Variants in SLC16A1 observed in about 807,000 individuals in gnomAD.
The protein encoded by SLC16A1 is solute carrier family 16 member 1.
In SLC16A1, 11 loss-of-function variants were observed where a neutral mutation model predicts 32.2. The observed-to-expected ratio is 0.34, with a 90% CI of 0.21 to 0.56. The LOEUF (loss-of-function observed/expected upper bound fraction) is 0.56, where lower values mean the gene tolerates loss of function less well. Ranked by LOEUF, SLC16A1 falls within the 20% of genes least tolerant of loss-of-function variation. The probability of loss-of-function intolerance (pLI) is 0.87; values close to 1 mark genes in which losing one functional copy is unlikely to be tolerated. For missense variants in SLC16A1, 435 were observed against 615.0 expected (o/e 0.71, Z 3.10); for synonymous variants, 231 against 226.8 (o/e 1.02, Z -0.17).
chr1:112,923,504 C>A, intron 2 of SLC16A1: 1 of 963,804 alleles, frequency 1.0e-6, no homozygotes, highest in East Asian at 2.4e-5. Context: ...ACGGCCACAC[C>A]AAGATAGACA....
chr1:112,942,683 C>T lies in SLC16A1; in HGVS notation c.-44-13331G>A, dbSNP rs548959443. On this transcript the variant is annotated intron_variant, in intron 1 of 4. Transcript: ENST00000369626. ...ACTTCAACTAAATTTCATTAAGATACAATATGCCTGAGTAAGAATCAATCT... is the reference window on the plus strand; with the variant it reads ...ACTTCAACTAAATTTCATTAAGATATAATATGCCTGAGTAAGAATCAATCT... Among the ~76,000 whole-genome samples, 4 of 152,314 alleles carry T rather than the reference C, an allele frequency of 2.6e-5. No individual in the cohort carries two copies. The South Asian group carries it at 8.3e-4, about 32-fold the overall frequency.
rs773868602 is a variant in SLC16A1, at chr1:112,917,249, C to T, written c.1157G>A (p.Arg386Lys). The T allele has an allele frequency of 6.2e-7, 1 of 1,614,176 alleles. No individual in the cohort carries two copies. ...CACCAATCCCACAGCGCTGGAGAAC[C>T]TCTGGGGTCCAACAAGGTCCATCAA... ...ETLMDLVGPQ[R>K]FSSAVGLVTI... Residue 386 changes from arginine to lysine, a missense_variant, in exon 4 of 5, where the codon AGG (arginine) becomes AAG (lysine). By Grantham distance (26) the Arg-to-Lys change is conservative. Coordinates refer to ENST00000369626, the MANE Select transcript of SLC16A1 (RefSeq NM_003051.4). The surrounding 1 kb of genome is among the most constrained non-coding windows in gnomAD (Gnocchi z 4.1).
intron 1 of SLC16A1, among the ~76,000 whole-genome samples, chr1:112,947,364 G>A (rs993108428): frequency 1.9e-4 from 29 of 152,110 alleles, no homozygotes; most frequent in African/African-American, 5.8e-4. Context: ...ATGAGTATTC[G>A]AATATATTAA....
chr1:112,948,452 T>C (rs905905250), intron 1 of SLC16A1, among the ~76,000 whole-genome samples: 15 of 152,210 alleles, frequency 9.9e-5, no homozygotes, highest in African/African-American at 3.6e-4. Flanking sequence ...TTGTCAGTTA[T>C]TTTATTAGAA....
intron 4 of SLC16A1, among the ~76,000 whole-genome samples, chr1:112,915,058 T>G (rs566600121): frequency 1.3e-5 from 2 of 152,226 alleles, no homozygotes; most frequent in Non-Finnish European, 2.9e-5. Context: ...TGATTCCATA[T>G]GGCTTTCTAA....
Position 112,923,977 on chromosome 1 carries a change from A to T in SLC16A1, c.218-1844T>A, listed in dbSNP as rs188974586. On this transcript the variant is annotated intron_variant, in intron 2 of 4. Transcript: ENST00000369626. ...GGGGACCTGCTGACTGGCAAGTACAAGTATAAGGACAAGGACAGGAAACAG... is the reference window on the plus strand; with the variant it reads ...GGGGACCTGCTGACTGGCAAGTACATGTATAAGGACAAGGACAGGAAACAG... 3.4e-6 allele frequency: 5 copies of T among 1,467,408 alleles called. No homozygotes were observed. The East Asian group carries it at 1.1e-4, about 33-fold the overall frequency. The allele number at this position is 1,467,408 out of a possible 1,614,324, so 90.9% of individuals were successfully genotyped here.
At chr1:112,919,011 T>TTTTTTTTA (rs1553208041) in intron 3 of SLC16A1, among the ~76,000 whole-genome samples, 3 of 144,290 alleles carry the variant, frequency 2.1e-5, no homozygotes, top group South Asian at 4.4e-4. Flanking sequence ...TACTAATTTA[T>TTTTTTTTA]TTTATTTATT....
rs1296736905 is a variant in SLC16A1 at position 112,917,690 on chromosome 1, T to C, written c.716A>G (p.Lys239Arg). 6.2e-7 allele frequency: 1 copy of C among 1,614,224 alleles called. No homozygotes were observed. The highest frequency in any genetic ancestry group is 8.5e-7 in the Non-Finnish European group (1 of 1,180,036). The change falls in exon 4 of 5, where the codon AAA becomes AGA. Residue 239 changes from lysine (K) to arginine (R), a missense_variant. By Grantham distance (26) the Lys-to-Arg change is conservative (BLOSUM62 2). Coordinates refer to ENST00000369626, the MANE Select transcript of SLC16A1 (RefSeq NM_003051.4). The surrounding 1 kb of genome is among the most constrained non-coding windows in gnomAD (Gnocchi z 4.1). ...ANTDLIGRHP[K>R]QEKRSVFQTI... Reference sequence around the variant, plus strand: ...TTGGAAGACTGATCGTTTCTCTTGTTTAGGGTGTCTTCCAATAAGATCTGT... The same window carrying C: ...TTGGAAGACTGATCGTTTCTCTTGTCTAGGGTGTCTTCCAATAAGATCTGT...
chr1:112,947,678 CTTCTAATAACT>C (rs1004369949), intron 1 of SLC16A1, among the ~76,000 whole-genome samples: 2 of 152,104 alleles, frequency 1.3e-5, no homozygotes, highest in Non-Finnish European at 2.9e-5. Context: ...TCTCTAATCT[CTTCTAATAACT>C]TTCTAATAAC....
chr1:112,927,711 CTAAT>C (rs1427221544), intron 2 of SLC16A1, among the ~76,000 whole-genome samples: 1 of 152,174 alleles, frequency 6.6e-6, no homozygotes, highest in Non-Finnish European at 1.5e-5. Flanking sequence ...AGTTATCTCA[CTAAT>C]TGAGTAAGGA....
At chr1:112,933,192 G>A (rs575649853) in intron 1 of SLC16A1, among the ~76,000 whole-genome samples, 12 of 152,112 alleles carry the variant, frequency 7.9e-5, no homozygotes, top group East Asian at 5.8e-4. Flanking sequence ...AAAGTTGGCC[G>A]GGCGCAGTGG....
intron 1 of SLC16A1, among the ~76,000 whole-genome samples, chr1:112,930,443 C>T (rs1051014813): frequency 6.6e-6 from 1 of 151,806 alleles, no homozygotes; most frequent in Admixed American, 6.6e-5. Context: ...ACCTAGCTCT[C>T]GAGTAAATGA....
rs1489439384 is a variant in SLC16A1, at chr1:112,913,263, T to C, written c.*628A>G. On this transcript the variant is annotated 3_prime_UTR_variant, in exon 5 of 5. Coordinates refer to ENST00000369626, the MANE Select transcript of SLC16A1 (RefSeq NM_003051.4). ...CTGAGAGGGGTTGACAAGTACACTG[T>C]GTCTAGAACAGCCAAGATGTTGCCA... The C allele has an allele frequency of 1.3e-5, 2 of 153,968 alleles. No individual in the cohort carries two copies. Among genetic ancestry groups the C allele is most frequent in the Non-Finnish European group, 2.9e-5 (2 of 69,258 alleles). The allele number at this position is 153,968 out of a possible 1,614,324, so 9.5% of individuals were successfully genotyped here. A position where few individuals can be genotyped will look rare whatever the true frequency, so the allele number is the denominator to read the frequency against.
chr1:112,918,089 TA>T (rs752144977), intron 3 of SLC16A1, 45 bp from the exon 4 acceptor site: 1 of 1,089,058 alleles, frequency 9.2e-7, no homozygotes, highest in Non-Finnish European at 1.2e-6. Flanking sequence ...AATAAATAAA[TA>T]AATAAATAAA....
In SLC16A1 at chr1:112,913,909, C is replaced by A; in HGVS notation, c.1485G>T (p.Glu495Asp). The A allele has an allele frequency of 6.2e-7, 1 of 1,614,164 alleles. No homozygotes were observed. The highest frequency in any genetic ancestry group is 1.1e-5 in the South Asian group (1 of 91,080). Reference sequence around the variant, plus strand: ...CATGGATTCAGACTGGACTTTCCTCCTCCTTGGGCCCTCCATCTGTGTCTT... The same window carrying A: ...CATGGATTCAGACTGGACTTTCCTCATCCTTGGGCCCTCCATCTGTGTCTT... ...DQKDTDGGPK[E>D]EESPV The change falls in exon 5 of 5, where the codon GAG becomes GAT. Residue 495 changes from glutamate (E) to aspartate (D), a missense_variant. Glu to Asp is a conservative substitution (Grantham distance 45, BLOSUM62 2). Coordinates refer to ENST00000369626, the MANE Select transcript of SLC16A1 (RefSeq NM_003051.4).
intron 2 of SLC16A1, among the ~76,000 whole-genome samples, chr1:112,923,084 G>A (rs1228522879): frequency 6.6e-6 from 1 of 151,602 alleles, no homozygotes; most frequent in Non-Finnish European, 1.5e-5. Context: ...CCAGCACTTT[G>A]GGAGGTGGAT....
intron 2 of SLC16A1, among the ~76,000 whole-genome samples, chr1:112,927,048 C>G (rs1310369815): frequency 6.6e-6 from 1 of 150,378 alleles, no homozygotes; most frequent in Non-Finnish European, 1.5e-5. Context: ...ATGGTTTGAG[C>G]CTCGGTGGCT....
At chr1:112,951,180 A>G (rs879326069) in intron 1 of SLC16A1, among the ~76,000 whole-genome samples, 1 of 151,872 alleles carries the variant, frequency 6.6e-6, no homozygotes, top group Non-Finnish European at 1.5e-5. Flanking sequence ...CTCCTATAAC[A>G]CTCCCTTCCT....
intron 1 of SLC16A1, among the ~76,000 whole-genome samples, chr1:112,943,707 G>T (rs986660738): frequency 6.8e-6 from 1 of 147,278 alleles, no homozygotes; most frequent in Admixed American, 7.0e-5. Flanking sequence ...AGAATCACTT[G>T]AACTCAGGAG....
Sources: gnomAD v4.1 joint callset for allele counts (sites outside exome capture counted in the v4.1 genomes callset) on GRCh38, gnomAD v4.1.1 for gene constraint, Gnocchi (gnomAD v3.1) non-coding constraint, MANE v1.5 for transcripts, NCBI Gene and HGNC (gene_info 2026-07-23, HGNC 2026-07-21) for gene names.